Variants in FAM227B observed in about 807,000 individuals in gnomAD.
The protein encoded by FAM227B is family with sequence similarity 227 member B.
In FAM227B, 88 loss-of-function variants were observed where a neutral mutation model predicts 73.8. That is an observed-to-expected ratio of 1.19 (90% CI 1.00 to 1.42). The LOEUF is 1.42. Among genes scored for constraint, FAM227B ranks in the 40% most tolerant of loss-of-function variants. The pLI is 0.00. For missense variants in FAM227B, 632 were observed against 590.9 expected, an observed-to-expected ratio of 1.07 and a Z score of -0.72; for synonymous variants, 210 against 190.5, an observed-to-expected ratio of 1.10 and a Z score of -0.84.
intron 10 of FAM227B, among the ~76,000 whole-genome samples, chr15:49,536,072 C>CAAAAAAAAAAAAAAAAGAAAAAAAAA (rs2070197385): frequency 3.5e-5 from 4 of 114,012 alleles, no homozygotes; most frequent in Non-Finnish European, 5.5e-5. Context: ...GGCAATCAGA[C>CAAAAAAAAAAAAAAAAGAAAAAAAAA]AAAAAAAAAA....
intron 13 of FAM227B, chr15:49,365,760 A>G (rs1000757623): frequency 3.5e-6 from 3 of 858,330 alleles, no homozygotes; most frequent in African/African-American, 1.7e-5. Context: ...ACCTGTCTTC[A>G]TTTTGAAACA....
At chr15:49,592,107 T>G (rs1445409876) in intron 3 of FAM227B, among the ~76,000 whole-genome samples, 1 of 152,182 alleles carries the variant, frequency 6.6e-6, no homozygotes, top group Non-Finnish European at 1.5e-5. Flanking sequence ...TGCGATGGGT[T>G]AGAACATGTT....
At chr15:49,572,307 T>C (rs1197718645) in intron 8 of FAM227B, among the ~76,000 whole-genome samples, 1 of 152,084 alleles carries the variant, frequency 6.6e-6, no homozygotes. Context: ...TTCTTCCTTT[T>C]CTATTAGGAT....
At chr15:49,517,666 A>G (rs1457724428) in intron 10 of FAM227B, among the ~76,000 whole-genome samples, 1 of 152,174 alleles carries the variant, frequency 6.6e-6, no homozygotes, top group Admixed American at 6.5e-5. Flanking sequence ...TTTCAACTTA[A>G]CTTTTTGTAA....
intron 5 of FAM227B, among the ~76,000 whole-genome samples, chr15:49,586,968 T>G (rs2076205185): frequency 6.6e-6 from 1 of 152,104 alleles, no homozygotes; most frequent in Non-Finnish European, 1.5e-5. Flanking sequence ...GGAAGCAGTT[T>G]GATGATTTCT....
At chr15:49,438,144 AG>A (rs1169432736) in intron 11 of FAM227B, among the ~76,000 whole-genome samples, 5 of 151,690 alleles carry the variant, frequency 3.3e-5, no homozygotes, top group African/African-American at 9.7e-5. Context: ...ATAAGACTGC[AG>A]GGAAGTCTCA....
intron 6 of FAM227B, 47 bp downstream of exon 6, chr15:49,577,582 C>T: frequency 8.5e-7 from 1 of 1,182,064 alleles, no homozygotes; most frequent in South Asian, 1.4e-5. Context: ...TTTAGTCCTA[C>T]ATAATACACT....
intron 11 of FAM227B, among the ~76,000 whole-genome samples, chr15:49,429,082 T>C (rs1046493039): frequency 6.6e-6 from 1 of 152,148 alleles, no homozygotes; most frequent in Non-Finnish European, 1.5e-5. Context: ...GCTTATATTC[T>C]AAACAGTTCT....
chr15:49,568,391 C>A, intron 8 of FAM227B, 45 bp from the exon 9 acceptor site: 1 of 1,475,384 alleles, frequency 6.8e-7, no homozygotes, highest in Non-Finnish European at 9.4e-7. Flanking sequence ...CAATTTAAAA[C>A]TGGAATTTGT....
At chr15:49,550,744 C>T (rs910013574) in intron 9 of FAM227B, among the ~76,000 whole-genome samples, 11 of 151,194 alleles carry the variant, frequency 7.3e-5, no homozygotes, top group South Asian at 2.1e-4. Flanking sequence ...AAGAGGCGCT[C>T]GTCACTTCCT....
chr15:49,491,746 C>T (rs1356066954), intron 11 of FAM227B, among the ~76,000 whole-genome samples: 1 of 149,660 alleles, frequency 6.7e-6, no homozygotes, highest in Non-Finnish European at 1.5e-5. Flanking sequence ...TATATATATG[C>T]AATGTTTATG....
intron 10 of FAM227B, among the ~76,000 whole-genome samples, chr15:49,538,476 T>TG (rs2070583791): frequency 3.3e-5 from 5 of 152,298 alleles, no homozygotes; most frequent in African/African-American, 1.2e-4. Context: ...GCTGAGACTT[T>TG]GGGTCCCCAG....
intron 13 of FAM227B, among the ~76,000 whole-genome samples, chr15:49,335,919 C>G (rs543977800): frequency 6.6e-6 from 1 of 152,234 alleles, no homozygotes; most frequent in African/African-American, 2.4e-5. Context: ...GTAACATGAT[C>G]ATAGTTCACT....
At chr15:49,565,039 G>A (rs534841942) in intron 9 of FAM227B, among the ~76,000 whole-genome samples, 59 of 152,174 alleles carry the variant, frequency 3.9e-4, no homozygotes, top group African/African-American at 1.4e-3. Flanking sequence ...AGTAACTGTA[G>A]GTTGTTCGCA....
At chr15:49,419,242 C>A (rs947845000) in intron 11 of FAM227B, among the ~76,000 whole-genome samples, 1 of 152,198 alleles carries the variant, frequency 6.6e-6, no homozygotes, top group Non-Finnish European at 1.5e-5. Flanking sequence ...GATAAATATA[C>A]AAGCATGGCT....
intron 10 of FAM227B, among the ~76,000 whole-genome samples, chr15:49,535,285 T>TATGA (rs1383967566): frequency 6.6e-6 from 1 of 151,642 alleles, no homozygotes; most frequent in Admixed American, 6.6e-5. Context: ...ATGAGACTAT[T>TATGA]ATGAATAATT....
chr15:49,605,482 C>T (rs2077456777), intron 3 of FAM227B, among the ~76,000 whole-genome samples: 1 of 152,218 alleles, frequency 6.6e-6, no homozygotes, highest in South Asian at 2.1e-4. Context: ...AAGCCTGGGT[C>T]CACAGGGGCC....
intron 10 of FAM227B, among the ~76,000 whole-genome samples, chr15:49,508,562 T>C (rs572000342): frequency 6.6e-6 from 1 of 152,146 alleles, no homozygotes; most frequent in African/African-American, 2.4e-5. Context: ...ACATAAATTA[T>C]TTTGAAATAT....
chr15:49,467,082 G>A (rs1455018985), intron 11 of FAM227B, among the ~76,000 whole-genome samples: 2 of 152,052 alleles, frequency 1.3e-5, no homozygotes, highest in African/African-American at 2.4e-5. Flanking sequence ...AGTTAAAGAG[G>A]GAGGGAAGAA....
Sources: gnomAD v4.1 joint callset for allele counts (sites outside exome capture counted in the v4.1 genomes callset) on GRCh38, gnomAD v4.1.1 for gene constraint, MANE v1.5 for transcripts, NCBI Gene and HGNC (gene_info 2026-07-23, HGNC 2026-07-21) for gene names.